Variants in BTBD7 observed in about 807,000 individuals in gnomAD.
The protein encoded by BTBD7 is BTB/POZ domain-containing protein 7.
A neutral mutation model predicts 99.9 loss-of-function variants in BTBD7; 38 were observed. The ratio of observed to expected loss-of-function variants is 0.38; its 90% CI spans 0.29 to 0.50. BTBD7 has a LOEUF of 0.50. Ranked by LOEUF, BTBD7 falls within the 20% of genes least tolerant of loss-of-function variation. The probability of loss-of-function intolerance (pLI) is 0.93; values close to 1 mark genes in which losing one functional copy is unlikely to be tolerated. For missense variants in BTBD7, 1,170 were observed against 1,394.6 expected (o/e 0.84, Z 2.57); for synonymous variants, 520 against 511.4 (o/e 1.02, Z -0.23).
chr14:93,279,808 G>A (rs1178601528), intron 3 of BTBD7, among the ~76,000 whole-genome samples: 1 of 152,160 alleles, frequency 6.6e-6, no homozygotes, highest in Non-Finnish European at 1.5e-5. Context: ...CTGGCACACA[G>A]TAAGAGCTCA....
rs1405728275 is a variant in BTBD7 at position 93,258,109 on chromosome 14, A to G, written c.1448-754T>C. Reference sequence around the variant, plus strand: ...TCTAGGGGTCTGTAATTTTTTTCTTAAAAAAATTAACACAGAATAAGATCT... The same window carrying G: ...TCTAGGGGTCTGTAATTTTTTTCTTGAAAAAATTAACACAGAATAAGATCT... On this transcript the variant is annotated intron_variant, in intron 5 of 10. Transcript: ENST00000334746. Among the ~76,000 whole-genome samples the G allele has an allele frequency of 3.5e-5, 5 of 143,872 alleles. No homozygotes were observed. The East Asian group carries it at 1.0e-3, about 29-fold the overall frequency. The allele number at this position is 143,872 out of a possible 152,430, so 94.4% of individuals were successfully genotyped here. A position where few individuals can be genotyped will look rare whatever the true frequency, so the allele number is the denominator to read the frequency against.
intron 8 of BTBD7, among the ~76,000 whole-genome samples, chr14:93,250,783 G>A (rs528317088): frequency 3.3e-5 from 5 of 152,236 alleles, no homozygotes; most frequent in Admixed American, 1.3e-4. Flanking sequence ...CCCTAAAGTC[G>A]TAAGACATAA....
chr14:93,272,975 C>G (rs907170612), intron 3 of BTBD7, among the ~76,000 whole-genome samples: 1 of 152,184 alleles, frequency 6.6e-6, no homozygotes, highest in African/African-American at 2.4e-5. Context: ...TGCATGTCAG[C>G]CTTTGATCTG....
At chr14:93,310,999 C>T (rs961114102) in intron 1 of BTBD7, among the ~76,000 whole-genome samples, 4 of 152,184 alleles carry the variant, frequency 2.6e-5, no homozygotes, top group African/African-American at 9.6e-5. Flanking sequence ...AACTCATCAA[C>T]TATTCAGTTG....
chr14:93,253,449 G>A (rs2139688113), intron 7 of BTBD7, among the ~76,000 whole-genome samples, 198 bp downstream of exon 7: 1 of 152,254 alleles, frequency 6.6e-6, no homozygotes, highest in East Asian at 1.9e-4. Context: ...CATAACCTAA[G>A]TTTTAAAAAC....
intron 9 of BTBD7, among the ~76,000 whole-genome samples, chr14:93,248,009 G>A (rs980462967): frequency 3.3e-5 from 5 of 152,160 alleles, no homozygotes; most frequent in African/African-American, 1.2e-4. Context: ...CAAACCTAGT[G>A]ACCAAACAAG....
chr14:93,274,266 A>G (rs1028198067), intron 3 of BTBD7, among the ~76,000 whole-genome samples: 5 of 152,228 alleles, frequency 3.3e-5, no homozygotes, highest in Admixed American at 6.5e-5. Flanking sequence ...GAAGTAGACT[A>G]AATTCAGCAA....
chr14:93,298,848 A>G (rs370822167), intron 1 of BTBD7, among the ~76,000 whole-genome samples: 1 of 152,234 alleles, frequency 6.6e-6, no homozygotes. Context: ...AACAAGTTGC[A>G]AACACTAGGG....
chr14:93,265,079 C>T (rs1314636457), intron 3 of BTBD7, among the ~76,000 whole-genome samples: 2 of 151,966 alleles, frequency 1.3e-5, no homozygotes, highest in African/African-American at 2.4e-5. Context: ...CCAGCCTGGG[C>T]GACAAAGCAA....
chr14:93,262,682 T>C (rs567416224), intron 4 of BTBD7, among the ~76,000 whole-genome samples: 1 of 152,268 alleles, frequency 6.6e-6, no homozygotes, highest in African/African-American at 2.4e-5. Context: ...CTCTACAAGG[T>C]ATTCTACTGG....
At chr14:93,282,394 G>T (rs1349551283) in intron 3 of BTBD7, among the ~76,000 whole-genome samples, 1 of 150,640 alleles carries the variant, frequency 6.6e-6, no homozygotes, top group African/African-American at 2.4e-5. Flanking sequence ...GCAGTGGTGC[G>T]ATTTCTCAGC....
At chr14:93,330,303 T>C (rs1308595875) in intron 1 of BTBD7, among the ~76,000 whole-genome samples, 1 of 152,200 alleles carries the variant, frequency 6.6e-6, no homozygotes. Flanking sequence ...CCTCAGGAAA[T>C]TCAGTTGTCA....
intron 4 of BTBD7, among the ~76,000 whole-genome samples, chr14:93,262,876 C>T (rs2052505514): frequency 6.6e-6 from 1 of 151,694 alleles, no homozygotes; most frequent in Non-Finnish European, 1.5e-5. Flanking sequence ...AAACATAAAG[C>T]GTCCAGTTTT....
intron 3 of BTBD7, among the ~76,000 whole-genome samples, chr14:93,270,761 G>A (rs1370971266): frequency 6.6e-6 from 1 of 151,700 alleles, no homozygotes; most frequent in East Asian, 1.9e-4. Flanking sequence ...CTGTAGCCAA[G>A]GCATTTAATG....
rs528568714 is a variant in BTBD7, at chr14:93,307,233, C to T, written c.-106-11076G>A. Among the ~76,000 whole-genome samples, 5 of 152,296 alleles carry T rather than the reference C, an allele frequency of 3.3e-5. No individual in the cohort carries two copies. The East Asian group carries it at 9.6e-4, about 29-fold the overall frequency. ...CTGAAGTGCAGTGGCACAATCATAG[C>T]TCACAGTGCCTGGGCTCAAGCAATC... On this transcript the variant is annotated intron_variant, in intron 1 of 10. Transcript: ENST00000334746.
At chr14:93,299,552 A>G (rs896556442) in intron 1 of BTBD7, among the ~76,000 whole-genome samples, 16 of 152,114 alleles carry the variant, frequency 1.1e-4, no homozygotes, top group African/African-American at 3.9e-4. Context: ...CTTTTTCTAG[A>G]ATCACCATTC....
At chr14:93,315,571 C>A (rs1175050903) in intron 1 of BTBD7, among the ~76,000 whole-genome samples, 1 of 152,190 alleles carries the variant, frequency 6.6e-6, no homozygotes, top group Non-Finnish European at 1.5e-5. Context: ...CAGTCACTCA[C>A]CTCAATTCCC....
intron 3 of BTBD7, among the ~76,000 whole-genome samples, chr14:93,293,499 G>A (rs550652790): frequency 6.6e-6 from 1 of 152,274 alleles, no homozygotes; most frequent in African/African-American, 2.4e-5. Flanking sequence ...ACAAGGTACT[G>A]AACATAAATA....
intron 3 of BTBD7, among the ~76,000 whole-genome samples, chr14:93,275,683 T>C (rs2052648026): frequency 6.6e-6 from 1 of 152,210 alleles, no homozygotes; most frequent in Non-Finnish European, 1.5e-5. Context: ...ATTTTTTTGC[T>C]CATAGGCTAT....
Sources: allele counts gnomAD v4.1 joint callset (sites outside exome capture counted in the v4.1 genomes callset), GRCh38; gene constraint gnomAD v4.1.1; transcripts MANE v1.5; gene names NCBI Gene and HGNC (gene_info 2026-07-23, HGNC 2026-07-21).